The following LCP1 variants were observed in gnomAD, a reference collection of about 807,000 sequenced individuals.
LCP1 encodes plastin-2.
A neutral mutation model predicts 72.0 loss-of-function variants in LCP1; 23 were observed. That is an observed-to-expected ratio of 0.32 (90% CI 0.23 to 0.45). The LOEUF (loss-of-function observed/expected upper bound fraction) is 0.45, where lower values mean the gene tolerates loss of function less well. LCP1 is among the 20% of genes least tolerant of loss of function. The pLI, the probability that LCP1 is intolerant of heterozygous loss-of-function variation, is 1.00. For missense variants in LCP1, 571 were observed against 748.3 expected, an observed-to-expected ratio of 0.76 and a Z score of 2.76; for synonymous variants, 245 against 275.4, an observed-to-expected ratio of 0.89 and a Z score of 1.09.
Position 46,155,699 on chromosome 13 carries a change from A to G in LCP1, c.491+739T>C, listed in dbSNP as rs149025028. On this transcript the variant is annotated intron_variant, in intron 5 of 15. Transcript: ENST00000323076. ...GAACCTGCTGAAGCAAGAGCTACAG[A>G]GGTATTTTCAAAGACACCACGTTGC... Among the ~76,000 whole-genome samples the G allele has an allele frequency of 2.7e-4, 41 of 152,258 alleles. No individual in the cohort carries two copies. In the East Asian group the frequency reaches 7.9e-3, roughly 29 times the overall value.
chr13:46,128,426 A>ATC (rs1484865288), intron 15 of LCP1, among the ~76,000 whole-genome samples: 2 of 152,072 alleles, frequency 1.3e-5, no homozygotes, highest in Non-Finnish European at 2.9e-5. Context: ...GTGAAACCCC[A>ATC]TCTCTACTAA....
chr13:46,174,774 A>T (rs1437635229), intron 1 of LCP1, among the ~76,000 whole-genome samples: 2 of 149,860 alleles, frequency 1.3e-5, no homozygotes, highest in Non-Finnish European at 3.0e-5. Flanking sequence ...TGAACCCAGT[A>T]GGCGGAAGTT....
At chr13:46,170,983 GT>G (rs1276046665) in intron 1 of LCP1, among the ~76,000 whole-genome samples, 2 of 152,146 alleles carry the variant, frequency 1.3e-5, no homozygotes, top group Non-Finnish European at 2.9e-5. Context: ...AGATCAGTCT[GT>G]TTTTTTCTTC....
intron 13 of LCP1, among the ~76,000 whole-genome samples, chr13:46,140,287 A>G (rs2045689388): frequency 6.6e-6 from 1 of 152,200 alleles, no homozygotes; most frequent in Non-Finnish European, 1.5e-5. Context: ...GGAAACTACT[A>G]GAGGCTGTGG....
Position 46,153,134 on chromosome 13 carries a change from C to G in LCP1, c.574-189G>C, listed in dbSNP as rs893298126. On this transcript the variant is annotated intron_variant, in intron 6 of 15. Transcript: ENST00000323076. ...AAGAGAAAATCCAGTAACCCAGACA[C>G]CGACCACTCATGCAGTGGTCCATTC... is the stretch of plus-strand genomic sequence containing the variant. The G allele has an allele frequency of 5.5e-6, 3 of 546,996 alleles. No homozygotes were observed. The African/African-American group carries it at 5.8e-5, about 11-fold the overall frequency. The allele number at this position is 546,996 out of a possible 1,614,324, so 33.9% of individuals were successfully genotyped here. A position where few individuals can be genotyped will look rare whatever the true frequency, so the allele number is the denominator to read the frequency against.
Position 46,134,118 on chromosome 13 carries a change from G to T in LCP1, c.1626+9C>A, listed in dbSNP as rs1192616978. On this transcript the variant is annotated intron_variant, in intron 14 of 15. Coordinates refer to ENST00000323076, the MANE Select transcript of LCP1 (RefSeq NM_002298.5). The stretch of plus-strand genomic sequence containing the variant: ...CAGATGGCCTCTAGCAGAAGACAAA[G>T]AATTTTACCTTGAAACTAGAGATGG... 17 of 1,613,078 alleles carry T rather than the reference G, an allele frequency of 1.1e-5. No individual in the cohort carries two copies. The highest frequency in any genetic ancestry group is 2.2e-5 in the South Asian group (2 of 91,056).
At chr13:46,151,785 C>T (rs1328925835) in intron 7 of LCP1, among the ~76,000 whole-genome samples, 1 of 152,102 alleles carries the variant, frequency 6.6e-6, no homozygotes, top group Non-Finnish European at 1.5e-5. Flanking sequence ...GTATGTATAA[C>T]TAAAGATTAG....
At chr13:46,155,775 C>A (rs903480596) in intron 5 of LCP1, among the ~76,000 whole-genome samples, 1 of 152,182 alleles carries the variant, frequency 6.6e-6, no homozygotes, top group Non-Finnish European at 1.5e-5. Context: ...TGCAGTCCCC[C>A]TTTTCCAGGT....
chr13:46,176,820 C>G (rs1358886712), intron 1 of LCP1, among the ~76,000 whole-genome samples: 1 of 151,624 alleles, frequency 6.6e-6, no homozygotes, highest in Non-Finnish European at 1.5e-5. Flanking sequence ...CTTATCCAGT[C>G]AAGAAGGAGT....
chr13:46,129,516 C>A (rs1042738082), intron 15 of LCP1, among the ~76,000 whole-genome samples: 2 of 152,214 alleles, frequency 1.3e-5, no homozygotes, highest in African/African-American at 4.8e-5. Context: ...TAGTCCCCTT[C>A]CTATCCCTTC....
At chr13:46,169,342 C>T (rs1371811293) in intron 1 of LCP1, 1 of 152,230 alleles carries the variant, frequency 6.6e-6, no homozygotes, top group East Asian at 1.9e-4. Context: ...GTTTAGGCTG[C>T]AATTAACATG....
At chr13:46,165,905 CA>C (rs568540960) in intron 1 of LCP1, among the ~76,000 whole-genome samples, 3 of 143,442 alleles carry the variant, frequency 2.1e-5, no homozygotes, top group Non-Finnish European at 4.6e-5. Context: ...AGACGTTGGC[CA>C]AAAAAAAAGC....
At chr13:46,144,617 G>A (rs1593949072) in intron 10 of LCP1, 97 bp from the exon 11 acceptor site, 4 of 800,090 alleles carry the variant, frequency 5.0e-6, no homozygotes, top group Admixed American at 2.0e-5. Flanking sequence ...AAAACTGAAA[G>A]TAGAATGAAA....
intron 7 of LCP1, among the ~76,000 whole-genome samples, chr13:46,151,428 C>T (rs189149746): frequency 6.6e-6 from 1 of 152,274 alleles, no homozygotes; most frequent in East Asian, 1.9e-4. Flanking sequence ...CACAATATGA[C>T]AACATTTTTG....
chr13:46,162,669 GCCTGCCTTGGC>G (rs1249878701), intron 1 of LCP1, among the ~76,000 whole-genome samples: 1 of 151,964 alleles, frequency 6.6e-6, no homozygotes, highest in Non-Finnish European at 1.5e-5. Flanking sequence ...CCTCCCAGCC[GCCTGCCTTGGC>G]CTCCCAAAGT....
chr13:46,164,081 T>C (rs374818432), intron 1 of LCP1, among the ~76,000 whole-genome samples: 3 of 152,360 alleles, frequency 2.0e-5, no homozygotes, highest in African/African-American at 7.2e-5. Flanking sequence ...ACCCAGTTAG[T>C]TATCCTGAAA....
intron 1 of LCP1, among the ~76,000 whole-genome samples, chr13:46,174,472 T>C (rs1253314818): frequency 6.6e-6 from 1 of 152,238 alleles, no homozygotes; most frequent in African/African-American, 2.4e-5. Flanking sequence ...CTCAAGCATT[T>C]ATATTTATTT....
intron 2 of LCP1, chr13:46,159,329 A>C (rs1049123372): frequency 1.1e-5 from 6 of 536,682 alleles, no homozygotes; most frequent in Admixed American, 1.1e-4. Flanking sequence ...AAACAGCAAA[A>C]CAGAAGACAA....
intron 1 of LCP1, among the ~76,000 whole-genome samples, chr13:46,169,164 T>C (rs770151047): frequency 1.3e-5 from 2 of 152,202 alleles, no homozygotes; most frequent in Non-Finnish European, 2.9e-5. Context: ...TCTTTCCTCT[T>C]TAATAAGTTT....
Sources: allele counts gnomAD v4.1 joint callset (sites outside exome capture counted in the v4.1 genomes callset), GRCh38; gene constraint gnomAD v4.1.1; transcripts MANE v1.5; gene names NCBI Gene and HGNC (gene_info 2026-07-23, HGNC 2026-07-21).